The following ALG9 variants were observed in gnomAD, a reference collection of about 807,000 sequenced individuals.
The protein encoded by ALG9 is ALG9 alpha-1,2-mannosyltransferase, also known as alpha-1,2-mannosyltransferase ALG9.
ALG9 carries 55 observed loss-of-function variants against 81.8 expected under a neutral mutation model. The ratio of observed to expected loss-of-function variants is 0.67; its 90% CI spans 0.54 to 0.84. ALG9 has a LOEUF of 0.84. Among genes scored for constraint, ALG9 ranks in the 40% least tolerant of loss-of-function variants. ALG9 has a pLI of 0.00. For missense variants in ALG9, 629 were observed against 745.0 expected (o/e 0.84, Z 1.81); for synonymous variants, 278 against 274.3 (o/e 1.01, Z -0.13).
At chr11:111,867,528 T>C (rs1462438279) in intron 3 of ALG9, among the ~76,000 whole-genome samples, 1 of 152,068 alleles carries the variant, frequency 6.6e-6, no homozygotes, top group Admixed American at 6.5e-5. Context: ...TGAATGGAAA[T>C]TTTAAAACTG....
chr11:111,828,960 G>A (rs1953860250), intron 13 of ALG9: 1 of 152,022 alleles, frequency 6.6e-6, no homozygotes, highest in Non-Finnish European at 1.5e-5. Flanking sequence ...TTGTTTTACT[G>A]TGACTATTTT....
At chr11:111,802,531 T>C (rs528879376) in intron 14 of ALG9, among the ~76,000 whole-genome samples, 88 of 152,334 alleles carry the variant, frequency 5.8e-4, no homozygotes, top group Non-Finnish European at 1.1e-3. Context: ...GCAGTGGGAA[T>C]GAGGTATCTT....
chr11:111,812,391 G>C (rs1013938507), intron 13 of ALG9, among the ~76,000 whole-genome samples: 8 of 152,104 alleles, frequency 5.3e-5, no homozygotes, highest in African/African-American at 1.9e-4. Context: ...AAGACAGTGA[G>C]ACTCTGTTTC....
intron 14 of ALG9, among the ~76,000 whole-genome samples, chr11:111,800,423 G>C (rs1178322807): frequency 1.3e-5 from 2 of 152,148 alleles, no homozygotes; most frequent in Non-Finnish European, 2.9e-5. Context: ...AGAGGTTGCA[G>C]TGAGCCAAGG....
At chr11:111,869,684 T>A (rs942981686) in intron 2 of ALG9, among the ~76,000 whole-genome samples, 6 of 152,196 alleles carry the variant, frequency 3.9e-5, no homozygotes, top group Admixed American at 3.9e-4. Context: ...CCGCTTAGAA[T>A]ACAAAAGTGA....
At chr11:111,867,703 A>G (rs551801019) in intron 3 of ALG9, among the ~76,000 whole-genome samples, 2 of 152,226 alleles carry the variant, frequency 1.3e-5, no homozygotes, top group Non-Finnish European at 2.9e-5. Context: ...ATGACAGGTC[A>G]TTTTCAGTTG....
chr11:111,795,650 T>TA (rs1482287118), intron 14 of ALG9, among the ~76,000 whole-genome samples: 1 of 152,222 alleles, frequency 6.6e-6, no homozygotes, highest in African/African-American at 2.4e-5. Context: ...AAAAATACAT[T>TA]ATGTGTAATG....
At chr11:111,866,518 G>A (rs183911893) in intron 3 of ALG9, among the ~76,000 whole-genome samples, 1 of 152,138 alleles carries the variant, frequency 6.6e-6, no homozygotes, top group East Asian at 1.9e-4. Context: ...CTGGGGCTAA[G>A]ACTCTCTAAG....
At chr11:111,778,163 C>T (rs1435609672), downstream of ALG9, 1 of 152,088 alleles carries the variant, frequency 6.6e-6, no homozygotes, top group African/African-American at 2.4e-5. Context: ...TCAAGGCAGC[C>T]ATAGGTCCTT....
intron 7 of ALG9, 66 bp from the exon 8 acceptor site, chr11:111,853,551 A>G: frequency 1.3e-6 from 2 of 1,569,982 alleles, no homozygotes; most frequent in South Asian, 2.2e-5. Context: ...GATAAACCTG[A>G]GAATGAAAAA....
At chr11:111,813,264 C>T (rs572407194) in intron 13 of ALG9, among the ~76,000 whole-genome samples, 24 of 152,232 alleles carry the variant, frequency 1.6e-4, no homozygotes, top group East Asian at 3.9e-4. Flanking sequence ...AAAAGAATGA[C>T]GATACATTTG....
chr11:111,784,417 C>T lies in ALG9; in HGVS notation c.*1980G>A, dbSNP rs375953398. 1 of 152,226 alleles carries T rather than the reference C, an allele frequency of 6.6e-6. No homozygotes were observed. Among genetic ancestry groups the T allele is most frequent in the Non-Finnish European group, 1.5e-5 (1 of 68,060 alleles). The allele number at this position is 152,226 out of a possible 1,614,324, so 9.4% of individuals were successfully genotyped here. The stretch of plus-strand genomic sequence containing the variant: ...CCAGTTCCTATTAGAATGCCCTTCT[C>T]TTTGAAAATGAAAGATGGGGCTGGG... On this transcript the variant is annotated 3_prime_UTR_variant, in exon 15 of 15. Transcript: ENST00000616540.
chr11:111,855,934 A>T (rs992017693), intron 6 of ALG9, among the ~76,000 whole-genome samples: 9 of 152,116 alleles, frequency 5.9e-5, no homozygotes, highest in Non-Finnish European at 1.3e-4. Context: ...CCCCTCATAA[A>T]AATTTACCCC....
chr11:111,854,237 C>T (rs1027357754), intron 6 of ALG9, among the ~76,000 whole-genome samples: 2 of 148,692 alleles, frequency 1.3e-5, no homozygotes, highest in East Asian at 2.0e-4. Flanking sequence ...GCTGGGACTA[C>T]AGGCACAGGC....
At chr11:111,844,229 C>A (rs1019399709) in intron 9 of ALG9, among the ~76,000 whole-genome samples, 4 of 152,124 alleles carry the variant, frequency 2.6e-5, no homozygotes, top group Admixed American at 1.3e-4. Flanking sequence ...GGTTTTAATT[C>A]CTGACCTCAG....
At chr11:111,815,066 C>T (rs1419387816) in intron 13 of ALG9, among the ~76,000 whole-genome samples, 13 of 152,060 alleles carry the variant, frequency 8.5e-5, no homozygotes, top group Admixed American at 2.6e-4. Context: ...GATTTGGTGT[C>T]GGGTACAAGG....
intron 13 of ALG9, 106 bp downstream of exon 13, chr11:111,836,059 T>C: frequency 6.6e-7 from 1 of 1,516,716 alleles, no homozygotes; most frequent in Non-Finnish European, 9.1e-7. Context: ...TTAAAAAAAT[T>C]GCTTTCTAAG....
At chr11:111,850,913 G>C (rs1177393665) in intron 8 of ALG9, among the ~76,000 whole-genome samples, 21 of 151,984 alleles carry the variant, frequency 1.4e-4, no homozygotes, top group Non-Finnish European at 8.8e-5. Context: ...ATCAGTTTCT[G>C]TACATCCAAA....
chr11:111,799,151 T>A (rs1948728076), intron 14 of ALG9, among the ~76,000 whole-genome samples: 1 of 152,150 alleles, frequency 6.6e-6, no homozygotes, highest in African/African-American at 2.4e-5. Flanking sequence ...ACTCACAGTA[T>A]AATTTTTTTT....
Sources: allele counts gnomAD v4.1 joint callset (sites outside exome capture counted in the v4.1 genomes callset), GRCh38; gene constraint gnomAD v4.1.1; transcripts MANE v1.5; gene names NCBI Gene and HGNC (gene_info 2026-07-23, HGNC 2026-07-21).